ZNF3: variants seen among roughly 807,000 people sequenced by gnomAD.
The protein encoded by ZNF3 is zinc finger protein 3.
ZNF3 carries 16 observed loss-of-function variants against 36.9 expected under a neutral mutation model. The ratio of observed to expected loss-of-function variants is 0.43; its 90% CI spans 0.29 to 0.66. The LOEUF is 0.66. Ranked by LOEUF, ZNF3 falls within the 30% of genes least tolerant of loss-of-function variation. ZNF3 has a pLI of 0.13. For missense variants in ZNF3, 462 were observed against 543.1 expected (o/e 0.85, Z 1.48); for synonymous variants, 201 against 201.9 (o/e 1.00, Z 0.04).
At position 100,071,679 on chromosome 7, in the gene ZNF3, A is replaced by G; in HGVS notation, c.805T>C (p.Ser269Pro). 1 of 1,613,848 alleles carries G rather than the reference A, an allele frequency of 6.2e-7. No homozygotes were observed. The highest frequency in any genetic ancestry group is 8.5e-7 in the Non-Finnish European group (1 of 1,179,992). Residue 269 changes from serine (S) to proline (P), a missense_variant, in exon 6 of 6, where the codon TCT (serine) becomes CCT (proline). Transcript: ENST00000299667. ...SDCGKTFSCSSALILHRRIHT... is the reference protein window; with the variant it reads ...SDCGKTFSCSPALILHRRIHT... ...ATCCTCCGATGCAGAATGAGGGCAG[A>G]GCTACAGCTGAAGGTTTTCCCACAA...
downstream of ZNF3, among the ~76,000 whole-genome samples, chr7:100,068,650 A>AT (rs397785156): frequency 2.0e-5 from 3 of 151,446 alleles, no homozygotes; most frequent in Non-Finnish European, 1.5e-5. Flanking sequence ...AAAAAAAAAA[A>AT]TGGCAATCTA....
At chr7:100,076,101 T>C (rs1353309082) in intron 3 of ZNF3, among the ~76,000 whole-genome samples, 1 of 148,356 alleles carries the variant, frequency 6.7e-6, no homozygotes, top group African/African-American at 2.5e-5. Flanking sequence ...GCCTCCCAAA[T>C]AGCTGGGATT....
At chr7:100,080,273 G>T (rs1272004552) in intron 1 of ZNF3, among the ~76,000 whole-genome samples, 2 of 152,158 alleles carry the variant, frequency 1.3e-5, no homozygotes, top group Admixed American at 6.6e-5. Context: ...AAGTCTTCAG[G>T]TGATTCGCTG....
At chr7:100,072,816 TA>T (rs1333327441) in intron 5 of ZNF3, among the ~76,000 whole-genome samples, 5 of 152,230 alleles carry the variant, frequency 3.3e-5, no homozygotes, top group African/African-American at 1.2e-4. Context: ...CACGTAAGGC[TA>T]TGCAAAGAAT....
rs775323446 is a variant in ZNF3 at position 100,071,710 on chromosome 7, A to G, written c.774T>C (p.Cys258=). The part of the protein sequence containing the change: ...RIHTGEKPYE[C]SDCGKTFSCS... ...AGCTGAAGGTTTTCCCACAATCACTACATTCATAAGGTTTTTCCCCAGTGT... is the reference window on the plus strand; with the variant it reads ...AGCTGAAGGTTTTCCCACAATCACTGCATTCATAAGGTTTTTCCCCAGTGT... The change falls in exon 6 of 6, where the codon TGT becomes TGC. Residue 258 remains cysteine, a synonymous_variant. Transcript: ENST00000299667. 20 of 1,613,658 alleles carry G rather than the reference A, an allele frequency of 1.2e-5. 1 individual carries two copies. Among genetic ancestry groups the G allele is most frequent in the East Asian group, 4.5e-5 (2 of 44,884 alleles).
upstream of ZNF3, chr7:100,082,423 A>C (rs1302137494): frequency 6.6e-6 from 1 of 152,280 alleles, no homozygotes; most frequent in Non-Finnish European, 1.5e-5. Flanking sequence ...GTCTCGACTA[A>C]AAATACAAAA....
chr7:100,075,659 G>T, intron 3 of ZNF3, 29 bp from the exon 4 acceptor site: 1 of 1,608,780 alleles, frequency 6.2e-7, no homozygotes, highest in African/African-American at 1.3e-5. Context: ...GCCCAGGAAT[G>T]AGTCCATCTG....
rs139890347 is a variant in ZNF3, at chr7:100,080,377, C to A, written c.-197-721G>T. 3.7e-3 allele frequency among the ~76,000 whole-genome samples: 565 copies of A among 152,264 alleles called. 8 individuals are homozygous for A. Among genetic ancestry groups the A allele is most frequent in the African/African-American group, 0.013 (542 of 41,544 alleles). On this transcript the variant is annotated intron_variant, in intron 1 of 5. Coordinates refer to ENST00000299667, the MANE Select transcript of ZNF3 (RefSeq NM_032924.5). ...CCTGCAGTGGCTCACGCCTGTAACC[C>A]CAGCACTTTAGGAGGCTGAGGTGGG...
intron 3 of ZNF3, 173 bp downstream of exon 3, chr7:100,077,130 T>C (rs1323504429): frequency 7.4e-6 from 5 of 679,272 alleles, no homozygotes; most frequent in African/African-American, 3.6e-5. Context: ...CAAGCTGTCA[T>C]TGATTACTGT....
At position 100,070,496 on chromosome 7, in the gene ZNF3, AGGGGG is replaced by A. The variant is rs1792962121; in HGVS notation, c.*642_*646del. The A allele has an allele frequency of 1.0e-6, 1 of 985,582 alleles. No homozygotes were observed. 61.1% of individuals were successfully genotyped at this position (985,582 alleles called of 1,614,324 possible). A position where few individuals can be genotyped will look rare whatever the true frequency, so the allele number is the denominator to read the frequency against. ...CCCCAGGACAACTGGGGGGGATGGC[AGGGGG>A]TCTGCTGGCAATATCACCAGGTTTC... On this transcript the variant is annotated 3_prime_UTR_variant, in exon 6 of 6. Coordinates refer to ENST00000299667, the MANE Select transcript of ZNF3 (RefSeq NM_032924.5).
chr7:100,078,010 G>A (rs1487917458), intron 2 of ZNF3, among the ~76,000 whole-genome samples: 5 of 151,948 alleles, frequency 3.3e-5, no homozygotes. Flanking sequence ...GATTACAGGT[G>A]TGAGCCACCA....
At position 100,071,095 on chromosome 7, in the gene ZNF3, G is replaced by C; in HGVS notation, c.*48C>G. ...TGTTGAGATTTATAGGGTAAGGCAAGAGCTCTTGAGACTCAGGGAAAGTGA... is the reference window on the plus strand; with the variant it reads ...TGTTGAGATTTATAGGGTAAGGCAACAGCTCTTGAGACTCAGGGAAAGTGA... On this transcript the variant is annotated 3_prime_UTR_variant, in exon 6 of 6. Transcript: ENST00000299667. 6.5e-7 allele frequency: 1 copy of C among 1,532,956 alleles called. No homozygotes were observed. Among genetic ancestry groups the C allele is most frequent in the Non-Finnish European group, 8.7e-7 (1 of 1,143,344 alleles). The allele number at this position is 1,532,956 out of a possible 1,614,324, so 95.0% of individuals were successfully genotyped here. A position where few individuals can be genotyped will look rare whatever the true frequency, so the allele number is the denominator to read the frequency against.
downstream of ZNF3, chr7:100,065,085 ATACT>A (rs772357612): frequency 1.1e-6 from 1 of 946,656 alleles, no homozygotes; most frequent in Non-Finnish European, 1.5e-6. Context: ...TGGTTATTGA[ATACT>A]TACAGATGGA....
exon 6 of ZNF3, chr7:100,064,137 C>T: frequency 6.2e-7 from 1 of 1,614,190 alleles, no homozygotes; most frequent in East Asian, 2.2e-5. Flanking sequence ...GGAAAGCTTT[C>T]AGCCACAGCT....
chr7:100,073,584 T>C (rs894066302), intron 5 of ZNF3, among the ~76,000 whole-genome samples: 4 of 151,802 alleles, frequency 2.6e-5, no homozygotes, highest in Non-Finnish European at 5.9e-5. Flanking sequence ...ACTCCTGACC[T>C]CAGTATCTGC....
Position 100,070,227 on chromosome 7 carries a change from A to G in ZNF3, c.*916T>C, listed in dbSNP as rs147541374. On this transcript the variant is annotated 3_prime_UTR_variant, in exon 6 of 6. Transcript: ENST00000299667. ...CTGCATTAATCTTCAGCTGCTGAAG[A>G]GTCAGAGGTGGAGGCAGGAGTGGTC... is the stretch of plus-strand genomic sequence containing the variant. 6,926 of 984,680 alleles carry G rather than the reference A, an allele frequency of 7.0e-3. 29 individuals carry two copies. Among genetic ancestry groups the G allele is most frequent in the South Asian group, 0.013 (270 of 21,274 alleles). The allele number at this position is 984,680 out of a possible 1,614,324, so 61.0% of individuals were successfully genotyped here. A position where few individuals can be genotyped will look rare whatever the true frequency, so the allele number is the denominator to read the frequency against.
downstream of ZNF3, among the ~76,000 whole-genome samples, chr7:100,065,203 G>A (rs187753988): frequency 2.4e-4 from 37 of 152,250 alleles, no homozygotes; most frequent in Admixed American, 2.1e-3. Context: ...TGAGGCGGTC[G>A]ATCACCTCAG....
intron 3 of ZNF3, 88 bp downstream of exon 3, chr7:100,077,215 A>T: frequency 6.6e-7 from 1 of 1,510,788 alleles, no homozygotes; most frequent in Non-Finnish European, 9.2e-7. Context: ...GGATTCTAGT[A>T]GTTAGCCTAG....
chr7:100,071,467 G>A lies in ZNF3; in HGVS notation c.1017C>T (p.Pro339=), dbSNP rs377627809. 7 of 1,613,980 alleles carry A rather than the reference G, an allele frequency of 4.3e-6. No individual in the cohort carries two copies. The African/African-American group carries it at 9.3e-5, about 22-fold the overall frequency. Residue 339 remains proline (P), a synonymous_variant, in exon 6 of 6, where the codon CCC becomes CCT. Transcript: ENST00000299667. ...HHQRIHTGEK[P]YECNECGKAF... is the part of the protein sequence containing the mutation. ...CTTTCCCACATTCATTACATTCATA[G>A]GGTTTTTCTCCAGTGTGGATTCTCT...
Sources: allele counts gnomAD v4.1 joint callset (sites outside exome capture counted in the v4.1 genomes callset), GRCh38; gene constraint gnomAD v4.1.1; transcripts MANE v1.5; gene names NCBI Gene and HGNC (gene_info 2026-07-23, HGNC 2026-07-21).